PCBP3: variants seen among roughly 807,000 people sequenced by gnomAD.
The protein encoded by PCBP3 is poly(rC)-binding protein 3.
In PCBP3, 25 loss-of-function variants were observed where a neutral mutation model predicts 52.7. That is an observed-to-expected ratio of 0.47 (90% CI 0.35 to 0.66). The LOEUF (loss-of-function observed/expected upper bound fraction) is 0.66. Ranked by LOEUF, PCBP3 falls within the 30% of genes least tolerant of loss-of-function variation. The pLI is 0.01. For missense variants in PCBP3, 391 were observed against 490.3 expected (o/e 0.80, Z 1.91); for synonymous variants, 162 against 183.0 (o/e 0.89, Z 0.93).
chr21:45,853,985 G>A lies in PCBP3; in HGVS notation c.10+3890G>A, dbSNP rs968796316. 1.3e-5 allele frequency: 2 copies of A among 152,058 alleles called. No individual in the cohort carries two copies. The highest frequency in any genetic ancestry group is 4.8e-5 in the African/African-American group (2 of 41,390). 9.4% of individuals were successfully genotyped at this position (152,058 alleles called of 1,614,324 possible). A position where few individuals can be genotyped will look rare whatever the true frequency, so the allele number is the denominator to read the frequency against. ...ATCTCAGCCTCTGTGCACGAGGCTA[G>A]GAAGAGAAGAGATTTCCAAAAAGGT... is the stretch of plus-strand genomic sequence containing the variant. On this transcript the variant is annotated intron_variant, in intron 5 of 17. Coordinates refer to ENST00000681687, the MANE Select transcript of PCBP3 (RefSeq NM_001384156.1). The surrounding 1 kb of genome is among the most constrained non-coding windows in gnomAD (Gnocchi z 4.6).
intron 6 of PCBP3, among the ~76,000 whole-genome samples, chr21:45,897,835 C>CTG (rs1183995946): frequency 6.6e-6 from 1 of 152,204 alleles, no homozygotes; most frequent in African/African-American, 2.4e-5. Flanking sequence ...ACACTTCCTT[C>CTG]CATGTTCAGC....
intron 2 of PCBP3, among the ~76,000 whole-genome samples, chr21:45,733,120 T>C (rs1481661060): frequency 2.6e-5 from 4 of 152,236 alleles, no homozygotes; most frequent in South Asian, 2.1e-4. Flanking sequence ...TGGTCTAATA[T>C]GGTGTTAATC....
At position 45,830,203 on chromosome 21, in the gene PCBP3, G is replaced by A. The variant is rs200130430; in HGVS notation, c.-125-19758G>A. 1 of 152,818 alleles carries A rather than the reference G, an allele frequency of 6.5e-6. No homozygotes were observed. Among genetic ancestry groups the A allele is most frequent in the African/African-American group, 2.4e-5 (1 of 41,472 alleles). The allele number at this position is 152,818 out of a possible 1,614,324, so 9.5% of individuals were successfully genotyped here. ...GCAAATGGCCCCTCTGTGCCCCATA[G>A]CCTCGTCCTAACATACGTGCAAATG... On this transcript the variant is annotated intron_variant, in intron 4 of 17. Coordinates refer to ENST00000681687, the MANE Select transcript of PCBP3 (RefSeq NM_001384156.1). The surrounding 1 kb of genome is among the most constrained non-coding windows in gnomAD (Gnocchi z 4.4).
chr21:45,781,501 C>T (rs753897761), intron 4 of PCBP3, among the ~76,000 whole-genome samples: 2 of 152,038 alleles, frequency 1.3e-5, no homozygotes, highest in Non-Finnish European at 2.9e-5. Context: ...TAAGTATGGG[C>T]AAGGATGGGA....
chr21:45,881,560 TAGAG>T (rs1241020623), intron 5 of PCBP3, among the ~76,000 whole-genome samples: 1 of 152,168 alleles, frequency 6.6e-6, no homozygotes, highest in Non-Finnish European at 1.5e-5. Flanking sequence ...CTAGGCAACA[TAGAG>T]AGACCCCATC....
chr21:45,699,146 T>C (rs1323850291), intron 2 of PCBP3, among the ~76,000 whole-genome samples: 1 of 152,052 alleles, frequency 6.6e-6, no homozygotes, highest in East Asian at 1.9e-4. Flanking sequence ...ATGAAAGATG[T>C]TAGAGGGTAA....
chr21:45,786,951 C>T (rs1360837692), intron 4 of PCBP3, among the ~76,000 whole-genome samples: 1 of 152,218 alleles, frequency 6.6e-6, no homozygotes, highest in East Asian at 1.9e-4. Flanking sequence ...GGCGTGCAGC[C>T]TGCTGGGATG....
chr21:45,896,393 A>C, intron 6 of PCBP3, 31 bp downstream of exon 6: 1 of 1,548,580 alleles, frequency 6.5e-7, no homozygotes, highest in Non-Finnish European at 8.7e-7. Context: ...CTCTGTAGGA[A>C]AGGCGGCCGC....
chr21:45,879,682 A>C (rs1453158906), intron 5 of PCBP3, among the ~76,000 whole-genome samples: 2 of 147,052 alleles, frequency 1.4e-5, no homozygotes, highest in African/African-American at 4.9e-5. Context: ...TTTTCCAAAT[A>C]CTTGAAAATC....
chr21:45,782,421 C>G (rs1021338635), intron 4 of PCBP3, among the ~76,000 whole-genome samples: 1 of 152,098 alleles, frequency 6.6e-6, no homozygotes, highest in African/African-American at 2.4e-5. Flanking sequence ...ACTAGACATG[C>G]CTAACAGAAG....
At chr21:45,668,225 TAC>T (rs2080935192) in intron 1 of PCBP3, among the ~76,000 whole-genome samples, 1 of 152,178 alleles carries the variant, frequency 6.6e-6, no homozygotes, top group Non-Finnish European at 1.5e-5. Context: ...TCCAGAAATA[TAC>T]AGTTTTTAAT....
At chr21:45,649,063 T>C (rs754313204) in intron 1 of PCBP3, among the ~76,000 whole-genome samples, 3 of 152,204 alleles carry the variant, frequency 2.0e-5, no homozygotes, top group African/African-American at 7.2e-5. Flanking sequence ...GATAAAGACA[T>C]ACCCGAGACT....
intron 13 of PCBP3, 72 bp from the exon 14 acceptor site, chr21:45,929,845 G>A (rs1461631911): frequency 2.7e-6 from 3 of 1,115,508 alleles, no homozygotes; most frequent in Non-Finnish European, 4.1e-6. Flanking sequence ...TTCTGTTACT[G>A]CCGTTTTAAT....
chr21:45,646,103 CTCTCTGTGTGTGTGTGTGTG>C (rs1320641971), intron 1 of PCBP3, among the ~76,000 whole-genome samples: 6 of 77,006 alleles, frequency 7.8e-5, no homozygotes, highest in African/African-American at 2.0e-4. Context: ...CTCTCTCTCT[CTCTCTGTGTGTGTGTGTGTG>C]TGTGTGTGTG....
chr21:45,870,877 G>C (rs1353706126), intron 5 of PCBP3: 1 of 153,174 alleles, frequency 6.5e-6, no homozygotes, highest in Non-Finnish European at 1.5e-5. Flanking sequence ...TTAGGACAGG[G>C]AAGTCAGCCC....
chr21:45,874,051 A>G (rs536140179), intron 5 of PCBP3, among the ~76,000 whole-genome samples: 10 of 151,546 alleles, frequency 6.6e-5, no homozygotes, highest in African/African-American at 2.4e-4. Context: ...CGCCCGGCCC[A>G]GGCTGGGCTC....
intron 16 of PCBP3, among the ~76,000 whole-genome samples, chr21:45,939,428 G>A (rs1182604185): frequency 6.6e-6 from 1 of 152,256 alleles, no homozygotes; most frequent in Non-Finnish European, 1.5e-5. Flanking sequence ...AGAGGCCACT[G>A]TGTTCCATCT....
chr21:45,847,694 C>T (rs2093845076), intron 4 of PCBP3, among the ~76,000 whole-genome samples: 1 of 152,202 alleles, frequency 6.6e-6, no homozygotes, highest in South Asian at 2.1e-4. Flanking sequence ...GTCCGATCCC[C>T]ATCTGATTTT....
chr21:45,661,994 T>A (rs2080423294), intron 1 of PCBP3, among the ~76,000 whole-genome samples: 1 of 152,180 alleles, frequency 6.6e-6, no homozygotes, highest in Non-Finnish European at 1.5e-5. Context: ...TTTTTTTTTC[T>A]TGTCGAGTTG....
Sources: allele counts gnomAD v4.1 joint callset (sites outside exome capture counted in the v4.1 genomes callset), GRCh38; gene constraint gnomAD v4.1.1; non-coding constraint Gnocchi (gnomAD v3.1); transcripts MANE v1.5; gene names NCBI Gene and HGNC (gene_info 2026-07-23, HGNC 2026-07-21).